Variants in SAMD12 observed in about 807,000 individuals in gnomAD.
SAMD12 encodes the protein sterile alpha motif domain containing 12, also known as sterile alpha motif domain-containing protein 12.
In SAMD12, 9 loss-of-function variants were observed where a neutral mutation model predicts 15.0. That is an observed-to-expected ratio of 0.60 (90% CI 0.36 to 1.05). The LOEUF (loss-of-function observed/expected upper bound fraction) is 1.05, where lower values mean the gene tolerates loss of function less well. SAMD12 is among the 50% of genes least tolerant of loss of function. The pLI, the probability that SAMD12 is intolerant of heterozygous loss-of-function variation, is 0.01. For missense variants in SAMD12, 230 were observed against 234.2 expected (o/e 0.98, Z 0.12); for synonymous variants, 86 against 90.1 (o/e 0.96, Z 0.25).
chr8:118,435,347 C>A (rs10283143), intron 3 of SAMD12, among the ~76,000 whole-genome samples: 2 of 151,926 alleles, frequency 1.3e-5, no homozygotes, highest in Non-Finnish European at 2.9e-5. Flanking sequence ...TCTTACTGAA[C>A]CTAATTAAAA....
At chr8:118,391,738 A>AT (rs1251395132) in intron 3 of SAMD12, among the ~76,000 whole-genome samples, 1 of 152,224 alleles carries the variant, frequency 6.6e-6, no homozygotes, top group Non-Finnish European at 1.5e-5. Context: ...GGGATTTCTT[A>AT]GGTAGAAAAA....
At chr8:118,382,990 GTAAATGTCCCATTAA>G (rs1819752706) in intron 3 of SAMD12, among the ~76,000 whole-genome samples, 1 of 152,094 alleles carries the variant, frequency 6.6e-6, no homozygotes, top group Non-Finnish European at 1.5e-5. Context: ...ATTTCTAGGA[GTAAATGTCCCATTAA>G]TCTCCTATTC....
intron 2 of SAMD12, among the ~76,000 whole-genome samples, chr8:118,458,931 G>A (rs1338715793): frequency 1.4e-5 from 2 of 145,968 alleles, no homozygotes; most frequent in African/African-American, 5.1e-5. Context: ...AAAGCAAATA[G>A]TAAAGTCTTC....
chr8:118,136,037 T>C, the SAMD12 span, among the ~76,000 whole-genome samples: 1 of 151,856 alleles, frequency 6.6e-6, no homozygotes, highest in South Asian at 2.1e-4. Flanking sequence ...TTTTCCTTTT[T>C]CTTTTTTTTT....
At chr8:118,260,588 C>A (rs930315603) in intron 4 of SAMD12, among the ~76,000 whole-genome samples, 2 of 152,066 alleles carry the variant, frequency 1.3e-5, no homozygotes, top group African/African-American at 4.8e-5. Context: ...GGAGGCCTGA[C>A]CTCTGTGAAT....
At chr8:118,470,155 C>A (rs1823751227) in intron 2 of SAMD12, among the ~76,000 whole-genome samples, 1 of 151,494 alleles carries the variant, frequency 6.6e-6, no homozygotes, top group African/African-American at 2.4e-5. Flanking sequence ...AAAAGCAAAT[C>A]TCTAAACACT....
intron 2 of SAMD12, among the ~76,000 whole-genome samples, chr8:118,498,536 TTTC>T (rs1343871398): frequency 5.9e-5 from 9 of 152,228 alleles, no homozygotes; most frequent in African/African-American, 1.9e-4. Flanking sequence ...ACTGCACCCC[TTTC>T]TTCTTCCTCT....
chr8:118,282,643 G>A (rs1226205782), intron 4 of SAMD12, among the ~76,000 whole-genome samples: 4 of 152,110 alleles, frequency 2.6e-5, no homozygotes, highest in Non-Finnish European at 5.9e-5. Flanking sequence ...AATGTGATTG[G>A]AATTTGCTAA....
intron 4 of SAMD12, among the ~76,000 whole-genome samples, chr8:118,283,738 G>A (rs1813777227): frequency 6.6e-6 from 1 of 152,206 alleles, no homozygotes; most frequent in African/African-American, 2.4e-5. Flanking sequence ...TTAGGCAGAT[G>A]GAGGGAAACA....
intron 4 of SAMD12, among the ~76,000 whole-genome samples, chr8:118,205,933 C>G (rs1272957447): frequency 6.6e-6 from 1 of 152,172 alleles, no homozygotes; most frequent in African/African-American, 2.4e-5. Context: ...AAAAAAAGGA[C>G]ATTGTATTTG....
chr8:118,387,657 A>C (rs941094206), intron 3 of SAMD12, among the ~76,000 whole-genome samples: 1 of 152,198 alleles, frequency 6.6e-6, no homozygotes, highest in Non-Finnish European at 1.5e-5. Flanking sequence ...TGGGATACAA[A>C]CATAGGCAGA....
Position 118,295,520 on chromosome 8 carries a change from A to T in SAMD12, c.433+84040T>A, listed in dbSNP as rs114285314. On this transcript the variant is annotated intron_variant, in intron 4 of 4. Transcript: ENST00000409003. ...CATATGAAAGTATCAGATGCTGGAA[A>T]CTCAATTTAGTTTTGTAAATCCACA... Among the ~76,000 whole-genome samples, 801 of 152,228 alleles carry T rather than the reference A, an allele frequency of 5.3e-3. 8 individuals are homozygous for T. Among genetic ancestry groups the T allele is most frequent in the African/African-American group, 0.018 (757 of 41,538 alleles).
At position 118,522,179 on chromosome 8, in the gene SAMD12, T is replaced by C. The variant is rs58501251; in HGVS notation, c.192+58536A>G. On this transcript the variant is annotated intron_variant, in intron 2 of 3. Coordinates refer to ENST00000314727, the MANE Select transcript of SAMD12 (RefSeq NM_207506.3). The stretch of plus-strand genomic sequence containing the variant: ...TGAAACACACACACACACACACACA[T>C]ACACACACACACACACACATACACA... 5.0e-3 allele frequency among the ~76,000 whole-genome samples: 129 copies of C among 25,932 alleles called. 1 individual carries two copies. The highest frequency in any genetic ancestry group is 0.05 in the Middle Eastern group (2 of 40). 17.0% of individuals were successfully genotyped at this position (25,932 alleles called of 152,430 possible).
chr8:118,286,775 G>T (rs2130211435), intron 4 of SAMD12, among the ~76,000 whole-genome samples: 1 of 152,314 alleles, frequency 6.6e-6, no homozygotes, highest in African/African-American at 2.4e-5. Flanking sequence ...AATGGTAAAG[G>T]AGGTTTGGAG....
At chr8:118,191,789 TATATATATATATATATATATATAGAGAG>T (rs1819395461) in exon 5 of SAMD12, 2 of 55,212 alleles carry the variant, frequency 3.6e-5, no homozygotes, top group South Asian at 6.1e-4. Context: ...TATATATATA[TATATATATATATATATATATATAGAGAG>T]AGAGAGAGAG....
intron 4 of SAMD12, among the ~76,000 whole-genome samples, chr8:118,330,808 G>A (rs1009845224): frequency 3.3e-5 from 5 of 152,026 alleles, no homozygotes; most frequent in Admixed American, 2.6e-4. Context: ...GTTCCCAAGC[G>A]ACATGATCAT....
intron 1 of SAMD12, among the ~76,000 whole-genome samples, chr8:118,593,527 A>T (rs1273617632): frequency 2.0e-5 from 3 of 152,194 alleles, no homozygotes; most frequent in South Asian, 2.1e-4. Context: ...TTTAAAATTT[A>T]GTTCCTCAGT....
chr8:118,187,903 C>T (rs942733299), downstream of SAMD12, among the ~76,000 whole-genome samples: 13 of 152,088 alleles, frequency 8.5e-5, no homozygotes, highest in African/African-American at 2.9e-4. Flanking sequence ...TTCAGTTCAC[C>T]TAACATTTGT....
intron 4 of SAMD12, among the ~76,000 whole-genome samples, chr8:118,359,003 C>CTG (rs35454734): frequency 0.016 from 2,372 of 149,344 alleles, 31 homozygotes; most frequent in East Asian, 0.061. Flanking sequence ...TGGCATTAAA[C>CTG]TGTGTGTGTG....
Sources: allele counts gnomAD v4.1 joint callset (sites outside exome capture counted in the v4.1 genomes callset), GRCh38; gene constraint gnomAD v4.1.1; transcripts MANE v1.5; gene names NCBI Gene and HGNC (gene_info 2026-07-23, HGNC 2026-07-21).